The following GPHN variants were observed in gnomAD, a reference collection of about 807,000 sequenced individuals.
The protein encoded by GPHN is gephyrin.
Under a neutral mutation model 95.5 loss-of-function variants are expected in GPHN, and 17 were observed. That is an observed-to-expected ratio of 0.18 (90% CI 0.12 to 0.27). GPHN has a LOEUF of 0.27. GPHN is among the 10% of genes least tolerant of loss of function. The pLI, the probability that GPHN is intolerant of heterozygous loss-of-function variation, is 1.00. For missense variants in GPHN, 660 were observed against 978.1 expected (o/e 0.67, Z 4.34); for synonymous variants, 320 against 322.5 (o/e 0.99, Z 0.08).
chr14:66,538,806 A>G (rs2059236729), intron 1 of GPHN, among the ~76,000 whole-genome samples: 1 of 144,036 alleles, frequency 6.9e-6, no homozygotes, highest in Non-Finnish European at 1.5e-5. Context: ...CATATATTGT[A>G]TGTGAAAAAC....
At chr14:66,988,681 G>A (rs917499736) in intron 9 of GPHN, among the ~76,000 whole-genome samples, 13 of 152,014 alleles carry the variant, frequency 8.6e-5, no homozygotes, top group African/African-American at 2.7e-4. Flanking sequence ...ACAGTACCTC[G>A]TATCCACTCA....
At chr14:67,313,768 A>G in the GPHN span, among the ~76,000 whole-genome samples, 1 of 152,056 alleles carries the variant, frequency 6.6e-6, no homozygotes, top group African/African-American at 2.4e-5. Flanking sequence ...ATCCATTAAC[A>G]CTTATGTATA....
rs111912225 is a variant in GPHN at position 67,134,784 on chromosome 14, A to T, written c.1749-8578A>T. Among the ~76,000 whole-genome samples, 89 of 147,862 alleles carry T rather than the reference A, an allele frequency of 6.0e-4. 2 individuals are homozygous for T. The highest frequency in any genetic ancestry group is 1.9e-3 in the Admixed American group (29 of 14,942). ...TACTCCTGCTTTTTTGCTTATTTAC[A>T]TTTGCCTGGTGACTTTTTGCCCTAC... On this transcript the variant is annotated intron_variant, in intron 17 of 22. Coordinates refer to ENST00000478722, the MANE Select transcript of GPHN (RefSeq NM_020806.5).
At chr14:67,008,900 A>T (rs550189078) in intron 9 of GPHN, among the ~76,000 whole-genome samples, 58 of 152,310 alleles carry the variant, frequency 3.8e-4, no homozygotes, top group Non-Finnish European at 6.0e-4. Flanking sequence ...GACTTAAAAG[A>T]CAGTTCCAGA....
chr14:67,338,385 T>C, the GPHN span: 1 of 457,996 alleles, frequency 2.2e-6, no homozygotes, highest in Non-Finnish European at 3.9e-6. Flanking sequence ...ATAACGCTTC[T>C]GCAAAGTAAA....
At chr14:67,027,643 G>A (rs2207256) in intron 10 of GPHN, among the ~76,000 whole-genome samples, 2,835 of 152,224 alleles carry the variant, frequency 0.019, 40 homozygotes, top group African/African-American at 0.026. Context: ...TTGTTTTCTT[G>A]ATGTACTTTG....
At chr14:67,520,370 C>G in the GPHN span, among the ~76,000 whole-genome samples, 1 of 152,236 alleles carries the variant, frequency 6.6e-6, no homozygotes, top group African/African-American at 2.4e-5. Flanking sequence ...CTGGCAACCA[C>G]TGTTCTTTTC....
chr14:67,247,127 C>T, the GPHN span, among the ~76,000 whole-genome samples: 1 of 152,162 alleles, frequency 6.6e-6, no homozygotes, highest in Admixed American at 6.5e-5. Context: ...ATTTAGAGAT[C>T]AACCTGAAGA....
At chr14:67,095,919 T>TAA (rs989633062) in intron 12 of GPHN, among the ~76,000 whole-genome samples, 2 of 59,886 alleles carry the variant, frequency 3.3e-5, no homozygotes, top group African/African-American at 6.4e-5. Context: ...CCCTAAAACT[T>TAA]AAAGTATAAT....
At chr14:67,292,711 G>A in the GPHN span, 5 of 1,612,912 alleles carry the variant, frequency 3.1e-6, no homozygotes, top group African/African-American at 1.3e-5. Flanking sequence ...ACAAGATCTT[G>A]CTCAAGAGGT....
At chr14:66,521,043 T>A (rs910019606) in intron 1 of GPHN, among the ~76,000 whole-genome samples, 4 of 152,168 alleles carry the variant, frequency 2.6e-5, no homozygotes, top group African/African-American at 7.2e-5. Flanking sequence ...TCATTTTTTT[T>A]ATGGCTGCAT....
the GPHN span, among the ~76,000 whole-genome samples, chr14:67,576,821 T>TA: frequency 3.3e-5 from 5 of 152,144 alleles, no homozygotes; most frequent in African/African-American, 9.7e-5. The surrounding 1 kb of genome is among the most constrained non-coding windows in gnomAD (Gnocchi z 4.0). Flanking sequence ...AATCTATAGT[T>TA]AGAGTTTGTA....
At chr14:67,106,517 C>A (rs1232395671) in intron 13 of GPHN, among the ~76,000 whole-genome samples, 1 of 152,140 alleles carries the variant, frequency 6.6e-6, no homozygotes. Context: ...CTGTCTCTCT[C>A]TCTTGCTGGG....
At chr14:67,532,380 T>C in the GPHN span, among the ~76,000 whole-genome samples, 6 of 152,214 alleles carry the variant, frequency 3.9e-5, no homozygotes, top group Admixed American at 6.5e-5. Flanking sequence ...TTTTGAAGTG[T>C]GGATCCCTCC....
chr14:67,110,828 C>G (rs1348424788), intron 14 of GPHN, among the ~76,000 whole-genome samples: 1 of 152,090 alleles, frequency 6.6e-6, no homozygotes, highest in Non-Finnish European at 1.5e-5. Context: ...CACCAAATGA[C>G]AGCCTGGAAA....
At chr14:66,861,636 A>G (rs2063028183) in intron 4 of GPHN, among the ~76,000 whole-genome samples, 1 of 152,144 alleles carries the variant, frequency 6.6e-6, no homozygotes. Flanking sequence ...AATTGAAATG[A>G]TAGCAAGCAT....
the GPHN span, among the ~76,000 whole-genome samples, chr14:67,261,479 A>G: frequency 6.6e-6 from 1 of 152,156 alleles, no homozygotes; most frequent in African/African-American, 2.4e-5. Context: ...CTTCAGTTTT[A>G]CCCCAGGAGG....
chr14:66,592,206 G>T (rs1304230344), intron 1 of GPHN, among the ~76,000 whole-genome samples: 1 of 152,102 alleles, frequency 6.6e-6, no homozygotes, highest in Non-Finnish European at 1.5e-5. Context: ...AACTCTAGAA[G>T]AAAACCTAGG....
chr14:67,144,245 AAAAAAAT>A (rs1470729707), intron 18 of GPHN, among the ~76,000 whole-genome samples: 1 of 66,670 alleles, frequency 1.5e-5, no homozygotes, highest in Non-Finnish European at 2.2e-5. Context: ...TTAAAAAAAA[AAAAAAAT>A]ATATATATAT....
Sources: gnomAD v4.1 joint callset for allele counts (sites outside exome capture counted in the v4.1 genomes callset) on GRCh38, gnomAD v4.1.1 for gene constraint, Gnocchi (gnomAD v3.1) non-coding constraint, MANE v1.5 for transcripts, NCBI Gene and HGNC (gene_info 2026-07-23, HGNC 2026-07-21) for gene names.